Variants in CLCN2 observed in about 807,000 individuals in gnomAD.
The protein encoded by CLCN2 is chloride channel protein 2.
A neutral mutation model predicts 108.3 loss-of-function variants in CLCN2; 72 were observed. The ratio of observed to expected loss-of-function variants is 0.66; its 90% CI spans 0.55 to 0.81. The LOEUF (loss-of-function observed/expected upper bound fraction) is 0.81, where lower values mean the gene tolerates loss of function less well. CLCN2 is among the 30% of genes least tolerant of loss of function. The pLI, the probability that CLCN2 is intolerant of heterozygous loss-of-function variation, is 0.00. For synonymous variants in CLCN2, 471 were observed against 467.1 expected (o/e 1.01, Z -0.11); for missense variants, 1,048 against 1,205.2 (o/e 0.87, Z 1.93).
chr3:184,359,209 C>T (rs1187958203), intron 1 of CLCN2, 78 bp from the exon 2 acceptor site: 2 of 1,526,522 alleles, frequency 1.3e-6, no homozygotes, highest in Non-Finnish European at 1.8e-6. Context: ...AGAGCCTCCA[C>T]TCCTCTTCTC....
chr3:184,356,670 A>G, intron 10 of CLCN2: 1 of 346,536 alleles, frequency 2.9e-6, no homozygotes, highest in Non-Finnish European at 5.4e-6. Context: ...GATCTCATCT[A>G]TCCCCATGGG....
Position 184,358,102 on chromosome 3 carries a change from A to G in CLCN2, c.482-7T>C. 6.2e-7 allele frequency: 1 copy of G among 1,614,048 alleles called. No homozygotes were observed. The highest frequency in any genetic ancestry group is 8.5e-7 in the Non-Finnish European group (1 of 1,180,030). Reference sequence around the variant, plus strand: ...ATCTCAGGGATGCCAGAGCCTGGAGAGGGAACAGTCTCAGGAGAGGCATTC... The same window carrying G: ...ATCTCAGGGATGCCAGAGCCTGGAGGGGGAACAGTCTCAGGAGAGGCATTC... On this transcript the variant is annotated splice_region_variant and splice_polypyrimidine_tract_variant and intron_variant, in intron 4 of 23. Coordinates refer to ENST00000265593, the MANE Select transcript of CLCN2 (RefSeq NM_004366.6).
At position 184,357,874 on chromosome 3, in the gene CLCN2, C is replaced by T. The variant is rs534809902; in HGVS notation, c.616-18G>A. On this transcript the variant is annotated intron_variant, in intron 5 of 23. Coordinates refer to ENST00000265593, the MANE Select transcript of CLCN2 (RefSeq NM_004366.6). Reference sequence around the variant, plus strand: ...AAAGGGCCCTGCGGGGTGGGGCAGGCGGTGAGTCGGGAGGGGGCCCGCCCT... The same window carrying T: ...AAAGGGCCCTGCGGGGTGGGGCAGGTGGTGAGTCGGGAGGGGGCCCGCCCT... The T allele has an allele frequency of 1.5e-5, 24 of 1,613,624 alleles. No individual in the cohort carries two copies. The highest frequency in any genetic ancestry group is 1.1e-4 in the East Asian group (5 of 44,872).
chr3:184,358,105 G>A lies in CLCN2; in HGVS notation c.482-10C>T. On this transcript the variant is annotated splice_polypyrimidine_tract_variant and intron_variant, in intron 4 of 23. Coordinates refer to ENST00000265593, the MANE Select transcript of CLCN2 (RefSeq NM_004366.6). ...TCAGGGATGCCAGAGCCTGGAGAGG[G>A]AACAGTCTCAGGAGAGGCATTCGAT... The A allele has an allele frequency of 6.2e-7, 1 of 1,614,088 alleles. No homozygotes were observed. Among genetic ancestry groups the A allele is most frequent in the Non-Finnish European group, 8.5e-7 (1 of 1,180,028 alleles).
At position 184,355,723 on chromosome 3, in the gene CLCN2, G is replaced by T; in HGVS notation, c.1141C>A (p.Pro381Thr). ...TLLISTLTFP[P>T]GFGQFMAGQL... Reference sequence around the variant, plus strand: ...CCAGCCATGAACTGTCCAAAGCCAGGGGGGAAGGTCAGCGTGGAGATGAGC... The same window carrying T: ...CCAGCCATGAACTGTCCAAAGCCAGTGGGGAAGGTCAGCGTGGAGATGAGC... Residue 381 changes from proline (P) to threonine (T), a missense_variant, in exon 11 of 24, where the codon CCT becomes ACT. By Grantham distance (38) the Pro-to-Thr change is conservative. Coordinates refer to ENST00000265593, the MANE Select transcript of CLCN2 (RefSeq NM_004366.6). The surrounding 1 kb of genome is among the most constrained non-coding windows in gnomAD (Gnocchi z 6.3). The T allele has an allele frequency of 6.2e-7, 1 of 1,614,216 alleles. No individual in the cohort carries two copies. The highest frequency in any genetic ancestry group is 8.5e-7 in the Non-Finnish European group (1 of 1,180,044).
In CLCN2 at chr3:184,346,325, C is replaced by A; in HGVS notation, c.*281G>T. The A allele has an allele frequency of 5.6e-6, 3 of 532,552 alleles. No individual in the cohort carries two copies. In the South Asian group the frequency reaches 6.1e-5, roughly 11 times the overall value. 33.0% of individuals were successfully genotyped at this position (532,552 alleles called of 1,614,324 possible). A position where few individuals can be genotyped will look rare whatever the true frequency, so the allele number is the denominator to read the frequency against. ...CAGTTATAAACCCATCTTAGTTCCA[C>A]CCCTTTCCCCTCAAAGGGGGAGCAG... On this transcript the variant is annotated 3_prime_UTR_variant, in exon 24 of 24. Coordinates refer to ENST00000265593, the MANE Select transcript of CLCN2 (RefSeq NM_004366.6). The surrounding 1 kb of genome is among the most constrained non-coding windows in gnomAD (Gnocchi z 6.0).
Position 184,347,006 on chromosome 3 carries a change from A to G in CLCN2, c.2431T>C (p.Ser811Pro). The change falls in exon 23 of 24, where the codon TCA becomes CCA. Residue 811 changes from serine to proline, a missense_variant. Transcript: ENST00000265593. ...TAAGCATGGTCCACTCCCAGCAGTG[A>G]GAAGATAGTGTGAGTCTGCAGTGTG... ...TSLHKTHTIF[S>P]LLGVDHAYVT... 1 of 1,613,940 alleles carries G rather than the reference A, an allele frequency of 6.2e-7. No individual in the cohort carries two copies. Among genetic ancestry groups the G allele is most frequent in the African/African-American group, 1.3e-5 (1 of 75,044 alleles).
chr3:184,354,471 G>A, intron 14 of CLCN2, 77 bp downstream of exon 14: 1 of 1,322,612 alleles, frequency 7.6e-7, no homozygotes, highest in Non-Finnish European at 1.1e-6. Context: ...CCAGCAGGGG[G>A]CACCAGAGTC....
At chr3:184,354,744 G>T in intron 13 of CLCN2, 86 bp from the exon 14 acceptor site, 1 of 1,347,548 alleles carries the variant, frequency 7.4e-7, no homozygotes, top group Non-Finnish European at 1.1e-6. Context: ...GAGGGTGAGG[G>T]AGGGGCCAAC....
chr3:184,346,744 G>A lies in CLCN2; in HGVS notation c.2559C>T (p.Pro853=), dbSNP rs759139463. The A allele has an allele frequency of 1.9e-6, 3 of 1,614,164 alleles. No homozygotes were observed. The highest frequency in any genetic ancestry group is 2.2e-5 in the East Asian group (1 of 44,878). The change falls in exon 24 of 24, where the codon CCC becomes CCT. Residue 853 remains proline (P), a synonymous_variant. Coordinates refer to ENST00000265593, the MANE Select transcript of CLCN2 (RefSeq NM_004366.6). The surrounding 1 kb of genome is among the most constrained non-coding windows in gnomAD (Gnocchi z 6.0). ...VTAQGVKVRP[P]LASFRDSATS... Reference sequence around the variant, plus strand: ...TGGCACTGTCTCGGAAGCTGGCGAGGGGCGGCCGGACTTTCACACCCTGTG... The same window carrying A: ...TGGCACTGTCTCGGAAGCTGGCGAGAGGCGGCCGGACTTTCACACCCTGTG...
In CLCN2 at chr3:184,358,993, G is replaced by T; in HGVS notation, c.202C>A (p.Arg68Ser). The change falls in exon 2 of 24, where the codon CGT (arginine) becomes AGT (serine). Residue 68 changes from arginine (R) to serine (S), a missense_variant. Transcript: ENST00000265593. ...TTCTCACCGCGGCATCGGGCGCAAC[G>T]GCTCCGTCCATATTCCAAGAGCTCT... ...APELLEYGRS[R>S]CARCRVCSVR... 6.2e-7 allele frequency: 1 copy of T among 1,613,574 alleles called. No homozygotes were observed.
chr3:184,358,159 C>T (rs748732738), intron 4 of CLCN2, 23 bp downstream of exon 4: 1 of 1,614,138 alleles, frequency 6.2e-7, no homozygotes, highest in Non-Finnish European at 8.5e-7. Flanking sequence ...CCGCCTCTGC[C>T]CTCCCCTTCT....
intron 1 of CLCN2, 96 bp from the exon 2 acceptor site, chr3:184,359,227 C>G: frequency 7.0e-7 from 1 of 1,436,312 alleles, no homozygotes; most frequent in Admixed American, 1.7e-5. Flanking sequence ...CTCCCAGCCC[C>G]CACACTGGAT....
At chr3:184,351,276 G>A (rs1728071384) in intron 22 of CLCN2, among the ~76,000 whole-genome samples, 1 of 151,920 alleles carries the variant, frequency 6.6e-6, no homozygotes, top group Non-Finnish European at 1.5e-5. Flanking sequence ...CAAAAGTTTA[G>A]CTAAAACACC....
At position 184,354,677 on chromosome 3, in the gene CLCN2, G is replaced by A; in HGVS notation, c.1397-19C>T. 2.3e-6 allele frequency: 2 copies of A among 866,556 alleles called. No homozygotes were observed. Among genetic ancestry groups the A allele is most frequent in the Non-Finnish European group, 3.6e-6 (2 of 557,810 alleles). 53.7% of individuals were successfully genotyped at this position (866,556 alleles called of 1,614,324 possible). On this transcript the variant is annotated intron_variant, in intron 13 of 23. Transcript: ENST00000265593. ...GCTGCTCCTTCAGGGAGGGGGGTGG[G>A]AAGAGAAAGAGGCAGTGGAGGGGGA...
intron 22 of CLCN2, among the ~76,000 whole-genome samples, chr3:184,350,000 T>C (rs1210632372): frequency 6.6e-6 from 1 of 152,232 alleles, no homozygotes; most frequent in Non-Finnish European, 1.5e-5. Flanking sequence ...CTGAACTTAA[T>C]TGGGCGACTA....
chr3:184,356,164 A>G, intron 10 of CLCN2: 1 of 311,866 alleles, frequency 3.2e-6, no homozygotes, highest in South Asian at 2.9e-5. Context: ...GCAGTGACTT[A>G]GAGTGAAGGT....
Position 184,358,012 on chromosome 3 carries a change from C to A in CLCN2, c.565G>T (p.Val189Phe), listed in dbSNP as rs778892438. Residue 189 changes from valine (V) to phenylalanine (F), a missense_variant, in exon 5 of 24, where the codon GTC (valine) becomes TTC (phenylalanine). Transcript: ENST00000265593. ...CCTAGGGCGCAGGTCAGCCCAATGA[C>A]CTTAGCTATAAAGGTCTTGAGTGTG... ...YLTLKTFIAKVIGLTCALGSG... is the reference protein window; with the variant it reads ...YLTLKTFIAKFIGLTCALGSG... 6 of 1,614,108 alleles carry A rather than the reference C, an allele frequency of 3.7e-6. No individual in the cohort carries two copies. The South Asian group carries it at 6.6e-5, about 18-fold the overall frequency.
At chr3:184,347,916 C>G (rs1341463870) in intron 22 of CLCN2, 1 of 152,138 alleles carries the variant, frequency 6.6e-6, no homozygotes, top group Non-Finnish European at 1.5e-5. Flanking sequence ...TTTCTTGGGG[C>G]CAGATGTCTT....
Sources: allele counts gnomAD v4.1 joint callset (sites outside exome capture counted in the v4.1 genomes callset), GRCh38; gene constraint gnomAD v4.1.1; non-coding constraint Gnocchi (gnomAD v3.1); transcripts MANE v1.5; gene names NCBI Gene and HGNC (gene_info 2026-07-23, HGNC 2026-07-21).